Variants in RIN2 observed in about 807,000 individuals in gnomAD.
RIN2 encodes Ras and Rab interactor 2.
Under a neutral mutation model 78.0 loss-of-function variants are expected in RIN2, and 36 were observed. That is an observed-to-expected ratio of 0.46 (90% CI 0.35 to 0.61). RIN2 has a LOEUF of 0.61. RIN2 is among the 20% of genes least tolerant of loss of function. The pLI is 0.00. For missense variants in RIN2, 1,087 were observed against 1,159.7 expected (o/e 0.94, Z 0.91); for synonymous variants, 466 against 466.8 (o/e 1.00, Z 0.02).
chr20:19,947,108 G>A (rs1010811047), intron 4 of RIN2, among the ~76,000 whole-genome samples: 1 of 151,736 alleles, frequency 6.6e-6, no homozygotes, highest in African/African-American at 2.4e-5. Context: ...ATAAGTAATG[G>A]CCATTAAAAT....
At chr20:19,816,265 A>G (rs916442146) in intron 2 of RIN2, among the ~76,000 whole-genome samples, 1 of 152,200 alleles carries the variant, frequency 6.6e-6, no homozygotes, top group Non-Finnish European at 1.5e-5. Flanking sequence ...ATTCTCCATA[A>G]GTTTCCACTT....
At chr20:19,869,553 C>G (rs910766201) in intron 2 of RIN2, among the ~76,000 whole-genome samples, 2 of 152,098 alleles carry the variant, frequency 1.3e-5, no homozygotes, top group Admixed American at 1.3e-4. Context: ...AGCCTCCACC[C>G]TCACCCTGGA....
intron 4 of RIN2, among the ~76,000 whole-genome samples, chr20:19,941,169 C>T (rs1253487222): frequency 6.6e-6 from 1 of 152,208 alleles, no homozygotes; most frequent in Non-Finnish European, 1.5e-5. Context: ...TACAATGTAG[C>T]AGCTGGTCAT....
At chr20:19,785,984 G>C (rs138563816) in intron 1 of RIN2, among the ~76,000 whole-genome samples, 4 of 152,206 alleles carry the variant, frequency 2.6e-5, no homozygotes, top group African/African-American at 9.6e-5. Flanking sequence ...GAAATGCTTC[G>C]CCTTGGTTTA....
At chr20:19,899,970 G>A (rs909830577) in intron 3 of RIN2, among the ~76,000 whole-genome samples, 2 of 152,026 alleles carry the variant, frequency 1.3e-5, no homozygotes, top group African/African-American at 4.8e-5. Flanking sequence ...CAACCTGCAG[G>A]GCCAAACAGA....
chr20:19,841,846 G>A (rs1451532443), intron 2 of RIN2, among the ~76,000 whole-genome samples: 1 of 152,228 alleles, frequency 6.6e-6, no homozygotes, highest in African/African-American at 2.4e-5. Flanking sequence ...GCCATCTGCA[G>A]GTGCCAGTGG....
chr20:19,931,922 G>T lies in RIN2; in HGVS notation c.58-3177G>T, dbSNP rs6075597. Among the ~76,000 whole-genome samples the T allele has an allele frequency of 3.9e-3, 594 of 152,206 alleles. 1 individual carries two copies. Among genetic ancestry groups the T allele is most frequent in the Non-Finnish European group, 6.6e-3 (451 of 68,006 alleles). On this transcript the variant is annotated intron_variant, in intron 3 of 12. Transcript: ENST00000255006. The stretch of plus-strand genomic sequence containing the variant: ...CTTGCAAAGGTATCTTTGGGCCCAC[G>T]TGCAAGTTTAGTCTCTAAAGTACAC...
At chr20:19,826,980 T>TTG (rs1386917830) in intron 2 of RIN2, among the ~76,000 whole-genome samples, 6 of 149,210 alleles carry the variant, frequency 4.0e-5, no homozygotes, top group Non-Finnish European at 8.9e-5. Flanking sequence ...TTTGGGTTTT[T>TTG]TTTTTTTTTT....
chr20:19,783,363 G>A lies in RIN2; in HGVS notation c.-162-16259G>A, dbSNP rs550585412. 3.9e-4 allele frequency among the ~76,000 whole-genome samples: 59 copies of A among 152,312 alleles called. No homozygotes were observed. The South Asian group carries it at 0.011, about 28-fold the overall frequency. On this transcript the variant is annotated intron_variant, in intron 1 of 12. Transcript: ENST00000255006. Reference sequence around the variant, plus strand: ...CACTGCCCCTTTGAGTCTCAGCCATGCCACACCAGGGTTCTCTGCAAACTC... The same window carrying A: ...CACTGCCCCTTTGAGTCTCAGCCATACCACACCAGGGTTCTCTGCAAACTC...
At chr20:19,840,533 T>C (rs1478788717) in intron 2 of RIN2, among the ~76,000 whole-genome samples, 1 of 152,232 alleles carries the variant, frequency 6.6e-6, no homozygotes, top group Non-Finnish European at 1.5e-5. Context: ...AGGAATGCCT[T>C]ATCATTGTTG....
At chr20:19,759,347 A>G (rs1419224793) in intron 1 of RIN2, among the ~76,000 whole-genome samples, 1 of 152,132 alleles carries the variant, frequency 6.6e-6, no homozygotes, top group African/African-American at 2.4e-5. Flanking sequence ...GTAAGGAAAC[A>G]TCAGAGTACT....
chr20:19,967,917 T>G (rs1269852362), intron 7 of RIN2, among the ~76,000 whole-genome samples: 1 of 152,190 alleles, frequency 6.6e-6, no homozygotes, highest in Admixed American at 6.5e-5. Context: ...TAAATTAGGA[T>G]GATGAAAACA....
intron 4 of RIN2, among the ~76,000 whole-genome samples, chr20:19,948,462 TCGGCTTACTGCAAC>T (rs2041185418): frequency 6.6e-6 from 1 of 152,144 alleles, no homozygotes; most frequent in Non-Finnish European, 1.5e-5. Context: ...TGGCGTGATC[TCGGCTTACTGCAAC>T]CTCCGCCTCC....
chr20:19,940,447 C>T (rs181859357), intron 4 of RIN2, among the ~76,000 whole-genome samples: 155 of 152,326 alleles, frequency 1.0e-3, no homozygotes, highest in African/African-American at 3.4e-3. Flanking sequence ...AGGGCAGAGG[C>T]CCTTCCCCCA....
At chr20:19,810,683 CTT>C (rs535994979) in intron 2 of RIN2, among the ~76,000 whole-genome samples, 2,415 of 98,232 alleles carry the variant, frequency 0.025, 8 homozygotes, top group African/African-American at 0.063. Flanking sequence ...TTATAAGGTA[CTT>C]TTTTTTTTTT....
chr20:19,990,738 C>T (rs528191835), intron 10 of RIN2, among the ~76,000 whole-genome samples: 9 of 152,142 alleles, frequency 5.9e-5, no homozygotes, highest in Middle Eastern at 3.2e-3. Flanking sequence ...ACAGCCCACA[C>T]ATAGCCCCAA....
At chr20:19,873,540 T>C (rs1331713421) in intron 2 of RIN2, among the ~76,000 whole-genome samples, 1 of 152,216 alleles carries the variant, frequency 6.6e-6, no homozygotes, top group Non-Finnish European at 1.5e-5. Context: ...CTATAGACTA[T>C]ATGTTAATAA....
chr20:19,915,964 G>A (rs1215031350), intron 3 of RIN2, among the ~76,000 whole-genome samples: 10 of 152,130 alleles, frequency 6.6e-5, no homozygotes, highest in Non-Finnish European at 1.2e-4. Flanking sequence ...AATTCTGGCC[G>A]AGCGCTGTGG....
intron 3 of RIN2, among the ~76,000 whole-genome samples, chr20:19,904,748 G>A (rs1381067387): frequency 6.6e-6 from 1 of 152,116 alleles, no homozygotes; most frequent in Admixed American, 6.5e-5. Flanking sequence ...ATGAGGAGGG[G>A]AGTGCCACCT....
Sources: allele counts gnomAD v4.1 joint callset (sites outside exome capture counted in the v4.1 genomes callset), GRCh38; gene constraint gnomAD v4.1.1; transcripts MANE v1.5; gene names NCBI Gene and HGNC (gene_info 2026-07-23, HGNC 2026-07-21).